Variants in HERC4 observed in about 807,000 individuals in gnomAD.
HERC4 encodes the protein probable E3 ubiquitin-protein ligase HERC4.
HERC4 carries 28 observed loss-of-function variants against 124.3 expected under a neutral mutation model. That is an observed-to-expected ratio of 0.23 (90% CI 0.17 to 0.31). The LOEUF is 0.31. Among genes scored for constraint, HERC4 ranks in the 10% least tolerant of loss-of-function variants. The pLI is 1.00. For missense variants in HERC4, 713 were observed against 1,229.3 expected (o/e 0.58, Z 6.28); for synonymous variants, 407 against 421.5 (o/e 0.97, Z 0.42).
chr10:68,006,493 T>C (rs1428193438), intron 9 of HERC4, among the ~76,000 whole-genome samples: 3 of 151,504 alleles, frequency 2.0e-5, no homozygotes, highest in Admixed American at 6.6e-5. Context: ...TGTCTCAGCC[T>C]CCTGAGTAGC....
At chr10:68,012,194 T>A (rs552874808) in intron 9 of HERC4, among the ~76,000 whole-genome samples, 214 of 152,308 alleles carry the variant, frequency 1.4e-3, no homozygotes, top group African/African-American at 5.0e-3. Context: ...ACTACTAAAA[T>A]TCTCTCCGTA....
chr10:68,063,765 C>G (rs1214315984), intron 3 of HERC4, among the ~76,000 whole-genome samples: 1 of 151,796 alleles, frequency 6.6e-6, no homozygotes, highest in African/African-American at 2.4e-5. Flanking sequence ...TGGCAAAACC[C>G]CGTCTCTACT....
At chr10:68,033,865 G>A (rs1307102029) in intron 6 of HERC4, 100 bp downstream of exon 6, 11 of 941,558 alleles carry the variant, frequency 1.2e-5, no homozygotes, top group Non-Finnish European at 1.5e-5. Flanking sequence ...CTCTATACCA[G>A]GGAAGATACA....
intron 8 of HERC4, among the ~76,000 whole-genome samples, chr10:68,018,955 G>T (rs1589338311): frequency 9.0e-6 from 1 of 111,546 alleles, no homozygotes; most frequent in Non-Finnish European, 1.8e-5. Context: ...AAATTTATAT[G>T]AAAGTAATAA....
At position 68,073,086 on chromosome 10, in the gene HERC4, G is replaced by A. The variant is rs1482878454; in HGVS notation, c.23C>T (p.Ser8Phe). 6.2e-7 allele frequency: 1 copy of A among 1,613,758 alleles called. No homozygotes were observed. Among genetic ancestry groups the A allele is most frequent in the Admixed American group, 1.7e-5 (1 of 59,972 alleles). ...TCCACCCAAACCTAGCTGCCCAAAG[G>A]ATGCATTTCCCCAGCACAACATGCT... MLCWGNA[S>F]FGQLGLGGID... Residue 8 changes from serine to phenylalanine, a missense_variant, in exon 3 of 25, where the codon TCC becomes TTC. Ser to Phe is a radical substitution (Grantham distance 155). Coordinates refer to ENST00000373700, the MANE Select transcript of HERC4 (RefSeq NM_015601.4).
At chr10:67,954,374 C>T (rs1290909181) in intron 19 of HERC4, 1 of 359,112 alleles carries the variant, frequency 2.8e-6, no homozygotes, top group Admixed American at 4.6e-5. Flanking sequence ...TCTGGCTAAC[C>T]ATCTCTTAAT....
At chr10:67,942,980 A>G (rs2033041342) in intron 19 of HERC4, among the ~76,000 whole-genome samples, 1 of 152,220 alleles carries the variant, frequency 6.6e-6, no homozygotes, top group African/African-American at 2.4e-5. Flanking sequence ...AATCAGAGAT[A>G]CATATGTGCT....
intron 15 of HERC4, among the ~76,000 whole-genome samples, chr10:67,968,128 C>G (rs994495131): frequency 1.3e-5 from 2 of 151,984 alleles, no homozygotes; most frequent in African/African-American, 4.8e-5. Context: ...AGAGCTCAAG[C>G]AGAAAGCAGC....
intron 17 of HERC4, 29 bp from the exon 18 acceptor site, chr10:67,955,159 A>G: frequency 1.3e-6 from 2 of 1,562,894 alleles, no homozygotes; most frequent in Non-Finnish European, 8.6e-7. Context: ...ACATTTTAAC[A>G]GCAATGCTAC....
intron 15 of HERC4, among the ~76,000 whole-genome samples, chr10:67,974,122 ACACACAG>A (rs1564493086): frequency 5.9e-5 from 5 of 85,192 alleles, no homozygotes; most frequent in Non-Finnish European, 2.4e-5. Context: ...ACACACACAT[ACACACAG>A]GGTCAGGAAA....
At chr10:67,958,695 A>G (rs548141924) in intron 16 of HERC4, among the ~76,000 whole-genome samples, 1 of 152,314 alleles carries the variant, frequency 6.6e-6, no homozygotes, top group African/African-American at 2.4e-5. Context: ...GACCATTCTG[A>G]GTATCAATTA....
rs191637498 is a variant in HERC4, at chr10:67,976,204, G to A, written c.1807-9402C>T. On this transcript the variant is annotated intron_variant, in intron 15 of 24. Coordinates refer to ENST00000373700, the MANE Select transcript of HERC4 (RefSeq NM_015601.4). ...AAAAGTTTGCAGGTCCTACCCTGGA[G>A]TCTTTAGTATTGTGCTTTAATCAAC... is the stretch of plus-strand genomic sequence containing the variant. Among the ~76,000 whole-genome samples, 962 of 152,216 alleles carry A rather than the reference G, an allele frequency of 6.3e-3. 5 individuals are homozygous for A. The highest frequency in any genetic ancestry group is 9.5e-3 in the Admixed American group (145 of 15,284).
intron 4 of HERC4, among the ~76,000 whole-genome samples, chr10:68,038,876 G>C (rs1393157067): frequency 6.6e-6 from 1 of 152,052 alleles, no homozygotes; most frequent in Non-Finnish European, 1.5e-5. Flanking sequence ...CAACTTTAAA[G>C]GCTCATTTTT....
At chr10:67,984,860 A>G in intron 15 of HERC4, among the ~76,000 whole-genome samples, 1 of 152,144 alleles carries the variant, frequency 6.6e-6, no homozygotes, top group Admixed American at 6.5e-5. Flanking sequence ...CTGGGGTTAC[A>G]TTACTGGAGT....
chr10:67,986,563 G>T (rs1262421416), intron 15 of HERC4, among the ~76,000 whole-genome samples: 1 of 151,966 alleles, frequency 6.6e-6, no homozygotes, highest in South Asian at 2.1e-4. Flanking sequence ...CACCATGTTG[G>T]CCAGGTTGGT....
At chr10:67,925,528 C>T (rs749682239) in intron 23 of HERC4, among the ~76,000 whole-genome samples, 1 of 152,140 alleles carries the variant, frequency 6.6e-6, no homozygotes, top group African/African-American at 2.4e-5. Context: ...TCTCTGTATT[C>T]ATGAACAGAA....
intron 3 of HERC4, among the ~76,000 whole-genome samples, chr10:68,052,564 G>A (rs1304212994): frequency 1.3e-5 from 2 of 152,026 alleles, no homozygotes; most frequent in African/African-American, 4.8e-5. Context: ...CTCACATACA[G>A]GATAGACAAG....
intron 4 of HERC4, among the ~76,000 whole-genome samples, chr10:68,043,230 T>C (rs747799831): frequency 2.0e-4 from 30 of 152,154 alleles, no homozygotes; most frequent in Admixed American, 1.3e-4. Flanking sequence ...TAAAGGAAAC[T>C]AGAAAGTTTT....
intron 23 of HERC4, among the ~76,000 whole-genome samples, chr10:67,925,942 C>T (rs556327840): frequency 5.3e-5 from 8 of 152,300 alleles, no homozygotes; most frequent in Admixed American, 2.6e-4. Flanking sequence ...ATTCTGACTG[C>T]AACTTCATGA....
Sources: gnomAD v4.1 joint callset for allele counts (sites outside exome capture counted in the v4.1 genomes callset) on GRCh38, gnomAD v4.1.1 for gene constraint, MANE v1.5 for transcripts, NCBI Gene and HGNC (gene_info 2026-07-23, HGNC 2026-07-21) for gene names.